CCDC40: variants seen among roughly 807,000 people sequenced by gnomAD.
The protein encoded by CCDC40 is coiled-coil domain 40 molecular ruler complex subunit.
Under a neutral mutation model 124.5 loss-of-function variants are expected in CCDC40, and 104 were observed. The observed-to-expected ratio is 0.84, with a 90% CI of 0.71 to 0.98. The LOEUF (loss-of-function observed/expected upper bound fraction) is 0.98. Among genes scored for constraint, CCDC40 ranks in the 50% least tolerant of loss-of-function variants. The probability of loss-of-function intolerance (pLI) is 0.00; values close to 1 mark genes in which losing one functional copy is unlikely to be tolerated. For synonymous variants in CCDC40, 580 were observed against 602.9 expected (o/e 0.96, Z 0.56); for missense variants, 1,463 against 1,503.9 (o/e 0.97, Z 0.45).
chr17:80,056,014 A>ATTTTTTTTTTTTTTTTTTTT (rs1173801732), intron 7 of CCDC40, among the ~76,000 whole-genome samples: 3 of 13,452 alleles, frequency 2.2e-4, no homozygotes, highest in Non-Finnish European at 3.7e-4. Context: ...ATATATATAT[A>ATTTTTTTTTTTTTTTTTTTT]TATTTTTTTT....
intron 3 of CCDC40, among the ~76,000 whole-genome samples, chr17:80,042,000 C>T (rs542693648): frequency 3.3e-5 from 5 of 152,002 alleles, no homozygotes; most frequent in South Asian, 2.1e-4. Flanking sequence ...GATAGGAAGG[C>T]GAATACTATT....
At chr17:80,055,995 TATATATATATATA>T (rs1466829039) in intron 7 of CCDC40, among the ~76,000 whole-genome samples, 7 of 10,758 alleles carry the variant, frequency 6.5e-4, no homozygotes, top group Non-Finnish European at 2.1e-3. Context: ...TATATATATA[TATATATATATATA>T]TATATATATT....
chr17:80,096,496 C>T (rs1420801304), intron 18 of CCDC40, among the ~76,000 whole-genome samples: 1 of 152,254 alleles, frequency 6.6e-6, no homozygotes, highest in South Asian at 2.1e-4. Context: ...CCATCCCTCC[C>T]TCAGCTTCCT....
chr17:80,090,698 T>G, intron 17 of CCDC40: 2 of 1,422,226 alleles, frequency 1.4e-6, no homozygotes, highest in Non-Finnish European at 1.8e-6. Flanking sequence ...TTAGATTTCA[T>G]TGCCTTTAAA....
intron 18 of CCDC40, 139 bp downstream of exon 18, chr17:80,095,590 T>G (rs1375444692): frequency 2.0e-5 from 15 of 756,050 alleles, no homozygotes; most frequent in Non-Finnish European, 4.4e-6. Flanking sequence ...GCTAACCTGC[T>G]GCTGGGTGCT....
intron 18 of CCDC40, 106 bp downstream of exon 18, chr17:80,095,557 G>A: frequency 9.2e-7 from 1 of 1,081,568 alleles, no homozygotes; most frequent in East Asian, 2.6e-5. Flanking sequence ...TGCAGAGGCT[G>A]CAGTGGGGGC....
chr17:80,091,688 C>T, intron 17 of CCDC40, among the ~76,000 whole-genome samples: 1 of 152,226 alleles, frequency 6.6e-6, no homozygotes, highest in Non-Finnish European at 1.5e-5. Flanking sequence ...GTTTTTCCAG[C>T]TATCCAGGCA....
rs59896146 is a variant in CCDC40, at chr17:80,089,837, G to A, written c.2785G>A (p.Gly929Ser). The change falls in exon 17 of 20, where the codon GGC becomes AGC. Residue 929 changes from glycine to serine, a missense_variant. Transcript: ENST00000397545. ...GCGTTCCTCAGTGGATTCCGAGATCGGCCAGACGGAGATCCGGGCCATGAA... is the reference window on the plus strand; with the variant it reads ...GCGTTCCTCAGTGGATTCCGAGATCAGCCAGACGGAGATCCGGGCCATGAA... ...EMRSSVDSEI[G>S]QTEIRAMKGE... The A allele has an allele frequency of 4.2e-4, 676 of 1,614,230 alleles. 7 individuals carry two copies. In the African/African-American group the frequency reaches 8.4e-3, roughly 20 times the overall value.
In CCDC40 at chr17:80,089,597, G is replaced by A. The variant is rs2038660034; in HGVS notation, c.2712-167G>A. The A allele has an allele frequency of 2.9e-5, 21 of 723,928 alleles. No individual in the cohort carries two copies. In the South Asian group the frequency reaches 3.5e-4, roughly 12 times the overall value. 44.8% of individuals were successfully genotyped at this position (723,928 alleles called of 1,614,324 possible). On this transcript the variant is annotated intron_variant, in intron 16 of 19. Coordinates refer to ENST00000397545, the MANE Select transcript of CCDC40 (RefSeq NM_017950.4). ...AGAGGTTGGCAAACGTTTGCATAAG[G>A]AGCCCAGTAGTGAACACTTCAGGCT... is the stretch of plus-strand genomic sequence containing the variant.
In CCDC40 at chr17:80,089,508, TTCTC is replaced by T. The variant is rs71163917; in HGVS notation, c.2712-246_2712-243del. 140,813 of 390,038 alleles carry T rather than the reference TTCTC, an allele frequency of 0.36. 31,367 individuals carry two copies. The highest frequency in any genetic ancestry group is 0.48 in the South Asian group (22,338 of 46,162). The allele number at this position is 390,038 out of a possible 1,614,324, so 24.2% of individuals were successfully genotyped here. A position where few individuals can be genotyped will look rare whatever the true frequency, so the allele number is the denominator to read the frequency against. On this transcript the variant is annotated intron_variant, in intron 16 of 19. Coordinates refer to ENST00000397545, the MANE Select transcript of CCDC40 (RefSeq NM_017950.4). ...CAGCTCCTACAGTTATATATCCCTGTTCTCTCTCTCTCTGTCTCTCTGTTTCTTC... is the reference window on the plus strand; with the variant it reads ...CAGCTCCTACAGTTATATATCCCTGTTCTCTCTCTGTCTCTCTGTTTCTTC...
chr17:80,090,829 T>G (rs2038709987), intron 17 of CCDC40: 8 of 1,176,382 alleles, frequency 6.8e-6, no homozygotes, highest in Non-Finnish European at 5.3e-6. Flanking sequence ...TAAATAGAAA[T>G]TCCTCTGCTG....
intron 1 of CCDC40, 184 bp downstream of exon 1, chr17:80,036,875 C>T (rs2037077365): frequency 4.0e-6 from 2 of 499,648 alleles, no homozygotes; most frequent in African/African-American, 2.0e-5. Context: ...CAGCCCCTCA[C>T]CCCCCCGCCA....
intron 3 of CCDC40, among the ~76,000 whole-genome samples, chr17:80,046,117 A>T (rs540547943): frequency 1.3e-5 from 2 of 152,308 alleles, no homozygotes; most frequent in African/African-American, 4.8e-5. Flanking sequence ...GTTATTTAGG[A>T]TGATACATTG....
At chr17:80,095,641 G>A (rs2038797807) in intron 18 of CCDC40, among the ~76,000 whole-genome samples, 190 bp downstream of exon 18, 1 of 151,960 alleles carries the variant, frequency 6.6e-6, no homozygotes, top group African/African-American at 2.4e-5. Context: ...CCCCAGTTCT[G>A]CTAACCTGCT....
At chr17:80,062,443 A>C in intron 9 of CCDC40, among the ~76,000 whole-genome samples, 2 of 146,342 alleles carry the variant, frequency 1.4e-5, no homozygotes, top group Non-Finnish European at 3.0e-5. Context: ...TCCTAATGCT[A>C]TCTCTCCCCC....
intron 7 of CCDC40, among the ~76,000 whole-genome samples, chr17:80,054,218 A>G (rs2037680153): frequency 6.6e-6 from 1 of 152,188 alleles, no homozygotes; most frequent in African/African-American, 2.4e-5. Context: ...TAAAAAGGAG[A>G]TCATGCAAGT....
intron 10 of CCDC40, among the ~76,000 whole-genome samples, chr17:80,079,154 T>C (rs986151728): frequency 2.0e-5 from 3 of 152,066 alleles, no homozygotes; most frequent in Non-Finnish European, 2.9e-5. Flanking sequence ...CCAGGCTTCC[T>C]TTCTCTATTG....
At chr17:80,050,553 C>G (rs988982098) in intron 7 of CCDC40, among the ~76,000 whole-genome samples, 2 of 152,230 alleles carry the variant, frequency 1.3e-5, no homozygotes, top group Non-Finnish European at 2.9e-5. Context: ...AAGCCAGTCT[C>G]CTGGCTGAGC....
At chr17:80,051,646 A>G (rs1474918318) in intron 7 of CCDC40, among the ~76,000 whole-genome samples, 25 of 150,534 alleles carry the variant, frequency 1.7e-4, no homozygotes, top group African/African-American at 5.1e-4. Flanking sequence ...AAAAAAAAAA[A>G]AAAAAAAAGA....
Sources: gnomAD v4.1 joint callset for allele counts (sites outside exome capture counted in the v4.1 genomes callset) on GRCh38, gnomAD v4.1.1 for gene constraint, MANE v1.5 for transcripts, NCBI Gene and HGNC (gene_info 2026-07-23, HGNC 2026-07-21) for gene names.